Variants in TRPC4AP observed in about 807,000 individuals in gnomAD.
The protein encoded by TRPC4AP is short transient receptor potential channel 4-associated protein.
A neutral mutation model predicts 99.0 loss-of-function variants in TRPC4AP; 45 were observed. The ratio of observed to expected loss-of-function variants is 0.45; its 90% CI spans 0.36 to 0.58. The LOEUF is 0.58. Among genes scored for constraint, TRPC4AP ranks in the 20% least tolerant of loss-of-function variants. TRPC4AP has a pLI of 0.00. For synonymous variants in TRPC4AP, 408 were observed against 385.8 expected, an observed-to-expected ratio of 1.06 and a Z score of -0.67; for missense variants, 879 against 985.3, an observed-to-expected ratio of 0.89 and a Z score of 1.44.
At position 35,019,779 on chromosome 20, in the gene TRPC4AP, C is replaced by T. The variant is rs1422308886; in HGVS notation, c.1218+1411G>A. Among the ~76,000 whole-genome samples the T allele has an allele frequency of 3.9e-5, 6 of 152,296 alleles. No individual in the cohort carries two copies. The East Asian group carries it at 9.6e-4, about 24-fold the overall frequency. ...GAAGGAAGGGACACCAATGCTGTGG[C>T]TATCACCGTGGGATCTCATCCAGTG... is the stretch of plus-strand genomic sequence containing the variant. On this transcript the variant is annotated intron_variant, in intron 9 of 18. Coordinates refer to ENST00000252015, the MANE Select transcript of TRPC4AP (RefSeq NM_015638.3).
chr20:35,015,435 G>C (rs2082730592), intron 10 of TRPC4AP, among the ~76,000 whole-genome samples: 1 of 150,204 alleles, frequency 6.7e-6, no homozygotes, highest in South Asian at 2.1e-4. Context: ...ACAAGGGGAA[G>C]TTGGCTAGAG....
At chr20:35,022,910 C>G (rs2082928637) in intron 8 of TRPC4AP, among the ~76,000 whole-genome samples, 2 of 151,820 alleles carry the variant, frequency 1.3e-5, no homozygotes, top group African/African-American at 4.8e-5. Context: ...GTAGTCCCAG[C>G]TACTCAAGAG....
At chr20:35,070,443 C>A (rs995384518) in intron 2 of TRPC4AP, among the ~76,000 whole-genome samples, 1 of 151,656 alleles carries the variant, frequency 6.6e-6, no homozygotes, top group Admixed American at 6.6e-5. Context: ...GGGAGTCTCG[C>A]TCTGCCACCC....
chr20:35,030,585 T>C, intron 8 of TRPC4AP, among the ~76,000 whole-genome samples: 1 of 152,220 alleles, frequency 6.6e-6, no homozygotes, highest in East Asian at 1.9e-4. Context: ...GAAGAGCAAG[T>C]ATACATTTAT....
chr20:35,006,675 G>T, intron 14 of TRPC4AP, 100 bp from the exon 15 acceptor site: 9 of 1,467,104 alleles, frequency 6.1e-6, no homozygotes, highest in Non-Finnish European at 8.3e-6. Context: ...AAGCATCCTG[G>T]GGATGGAACT....
intron 1 of TRPC4AP, among the ~76,000 whole-genome samples, chr20:35,092,260 T>C (rs1226579623): frequency 6.6e-6 from 1 of 151,898 alleles, no homozygotes; most frequent in Non-Finnish European, 1.5e-5. Flanking sequence ...CCACGCCCAA[T>C]ACACGGGATA....
At position 35,060,201 on chromosome 20, in the gene TRPC4AP, A is replaced by G. The variant is rs147726573; in HGVS notation, c.415-2630T>C. ...TATTACCCTGATACCAAAACCAAAC[A>G]AAGACATCACAAGAAAACTACAGAT... On this transcript the variant is annotated intron_variant, in intron 3 of 18. Transcript: ENST00000252015. Among the ~76,000 whole-genome samples, 30 of 152,298 alleles carry G rather than the reference A, an allele frequency of 2.0e-4. No homozygotes were observed. In the East Asian group the frequency reaches 5.2e-3, roughly 26 times the overall value.
intron 3 of TRPC4AP, among the ~76,000 whole-genome samples, chr20:35,066,057 A>T (rs2084135335): frequency 6.6e-6 from 1 of 152,214 alleles, no homozygotes; most frequent in Non-Finnish European, 1.5e-5. Flanking sequence ...GTAGCTTTAA[A>T]CAAAAGGAAA....
At chr20:35,034,998 T>C (rs993043877) in intron 8 of TRPC4AP, 125 bp downstream of exon 8, 44 of 1,015,670 alleles carry the variant, frequency 4.3e-5, no homozygotes, top group Non-Finnish European at 5.5e-5. Context: ...TGGTCTAGAA[T>C]TGCCTTGAGG....
chr20:35,092,421 AG>A (rs2085099122), intron 1 of TRPC4AP, among the ~76,000 whole-genome samples, 192 bp downstream of exon 1: 1 of 152,180 alleles, frequency 6.6e-6, no homozygotes, highest in African/African-American at 2.4e-5. Flanking sequence ...GCCCCTGACA[AG>A]GGACATCAAG....
At chr20:35,069,716 G>A (rs962845836) in intron 2 of TRPC4AP, among the ~76,000 whole-genome samples, 12 of 152,136 alleles carry the variant, frequency 7.9e-5, no homozygotes, top group African/African-American at 2.4e-4. Flanking sequence ...TAAGGTGGGC[G>A]GATTACTTGA....
At chr20:35,049,770 C>T in intron 6 of TRPC4AP, 96 bp downstream of exon 6, 1 of 1,383,700 alleles carries the variant, frequency 7.2e-7, no homozygotes, top group Non-Finnish European at 9.7e-7. Flanking sequence ...TAATTTAACA[C>T]TTTCTTTTAA....
intron 2 of TRPC4AP, 38 bp downstream of exon 2, chr20:35,078,008 G>C (rs762993399): frequency 2.6e-6 from 4 of 1,556,684 alleles, no homozygotes; most frequent in Non-Finnish European, 3.5e-6. Context: ...GTCACCTAGA[G>C]GCCCTGAATA....
chr20:35,072,933 T>A (rs1040700173), intron 2 of TRPC4AP, among the ~76,000 whole-genome samples: 4 of 152,244 alleles, frequency 2.6e-5, no homozygotes, highest in African/African-American at 9.6e-5. Flanking sequence ...TGTTCTTCCA[T>A]TTGTTTGTGT....
chr20:35,019,105 G>A (rs1320039186), intron 9 of TRPC4AP, among the ~76,000 whole-genome samples: 10 of 152,168 alleles, frequency 6.6e-5, no homozygotes, highest in Admixed American at 4.6e-4. Context: ...GCTCATTAAC[G>A]AGGAGGCCTC....
chr20:35,061,027 A>G (rs1217578660), intron 3 of TRPC4AP, among the ~76,000 whole-genome samples: 1 of 152,210 alleles, frequency 6.6e-6, no homozygotes, highest in Non-Finnish European at 1.5e-5. Context: ...AAGGCACCCA[A>G]ATTGGAAAGG....
chr20:35,010,460 T>C (rs2082609330), intron 11 of TRPC4AP, among the ~76,000 whole-genome samples, 172 bp from the exon 12 acceptor site: 1 of 152,142 alleles, frequency 6.6e-6, no homozygotes, highest in Admixed American at 6.5e-5. Context: ...GAGGGAACTC[T>C]GGGCTCTCAG....
chr20:35,025,090 C>G (rs945259479), intron 8 of TRPC4AP, among the ~76,000 whole-genome samples: 41 of 152,280 alleles, frequency 2.7e-4, no homozygotes, highest in African/African-American at 9.1e-4. Flanking sequence ...TACATGCCCA[C>G]TAATAGTGAC....
In TRPC4AP at chr20:35,068,976, C is replaced by CAAAA. The variant is rs1204211219; in HGVS notation, c.414+319_414+320insTTTT. On this transcript the variant is annotated intron_variant, in intron 3 of 18. Coordinates refer to ENST00000252015, the MANE Select transcript of TRPC4AP (RefSeq NM_015638.3). Reference sequence around the variant, plus strand: ...ACACACACACACACACACACACACACACAAAAAAAACAAAACATCTTAAGC... The same window carrying CAAAA: ...ACACACACACACACACACACACACACAAAAACAAAAAAAACAAAACATCTTAAGC... Among the ~76,000 whole-genome samples the CAAAA allele has an allele frequency of 1.3e-4, 10 of 78,968 alleles. 1 individual carries two copies. The highest frequency in any genetic ancestry group is 6.8e-4 in the African/African-American group (9 of 13,278). 51.8% of individuals were successfully genotyped at this position (78,968 alleles called of 152,430 possible).
Sources: allele counts gnomAD v4.1 joint callset (sites outside exome capture counted in the v4.1 genomes callset), GRCh38; gene constraint gnomAD v4.1.1; transcripts MANE v1.5; gene names NCBI Gene and HGNC (gene_info 2026-07-23, HGNC 2026-07-21).